The following CALD1 variants were observed in gnomAD, a reference collection of about 807,000 sequenced individuals.
The protein encoded by CALD1 is caldesmon 1.
Under a neutral mutation model 99.9 loss-of-function variants are expected in CALD1, and 33 were observed. The ratio of observed to expected loss-of-function variants is 0.33; its 90% CI spans 0.25 to 0.44. CALD1 has a LOEUF of 0.44. Ranked by LOEUF, CALD1 falls within the 20% of genes least tolerant of loss-of-function variation. The pLI is 1.00. For synonymous variants in CALD1, 310 were observed against 325.0 expected, an observed-to-expected ratio of 0.95 and a Z score of 0.50; for missense variants, 861 against 962.1, an observed-to-expected ratio of 0.89 and a Z score of 1.39.
chr7:134,774,299 T>G (rs1185285735), intron 1 of CALD1, among the ~76,000 whole-genome samples: 2 of 152,184 alleles, frequency 1.3e-5, no homozygotes, highest in Non-Finnish European at 2.9e-5. Flanking sequence ...GCATGCCAGT[T>G]TCTCTGGAAT....
Position 134,959,970 on chromosome 7 carries a change from T to C in CALD1, c.2062-4T>C, listed in dbSNP as rs890814328. ...CAATCCTAAAAATAACTCACAAATT[T>C]CAGGGAACAAAAAGCGCAAAACCTA... On this transcript the variant is annotated splice_polypyrimidine_tract_variant and splice_region_variant and intron_variant, in intron 11 of 14. Transcript: ENST00000361675. 8.7e-6 allele frequency: 14 copies of C among 1,612,666 alleles called. No individual in the cohort carries two copies. The highest frequency in any genetic ancestry group is 1.2e-5 in the Non-Finnish European group (14 of 1,179,494).
chr7:134,711,726 GTCTC>G, the CALD1 span, among the ~76,000 whole-genome samples: 143 of 96,732 alleles, frequency 1.5e-3, no homozygotes, highest in African/African-American at 4.6e-3. Flanking sequence ...GTGTGTGTGT[GTCTC>G]TCTCTCTGTC....
chr7:134,877,587 A>G (rs889635276), intron 3 of CALD1, among the ~76,000 whole-genome samples: 2 of 152,198 alleles, frequency 1.3e-5, no homozygotes, highest in African/African-American at 2.4e-5. Flanking sequence ...TAGGCCTACA[A>G]TGGTTGCATC....
At chr7:134,914,715 A>G (rs1313852687) in intron 3 of CALD1, among the ~76,000 whole-genome samples, 3 of 152,168 alleles carry the variant, frequency 2.0e-5, no homozygotes, top group African/African-American at 7.2e-5. Context: ...CTTTCTGTAC[A>G]TGGAAAGGTC....
intron 1 of CALD1, among the ~76,000 whole-genome samples, chr7:134,843,301 G>C (rs1472236259): frequency 6.6e-6 from 1 of 152,184 alleles, no homozygotes; most frequent in Non-Finnish European, 1.5e-5. Context: ...GTAACTGATG[G>C]GAGAGAAAGA....
chr7:134,934,221 G>A (rs777091370), intron 5 of CALD1, 144 bp downstream of exon 5: 17 of 1,244,230 alleles, frequency 1.4e-5, no homozygotes, highest in Middle Eastern at 1.9e-4. Context: ...AGGCCATAGC[G>A]ATACACAAGC....
intron 11 of CALD1, 74 bp downstream of exon 11, chr7:134,958,364 ACT>A (rs1807937435): frequency 8.4e-7 from 1 of 1,196,518 alleles, no homozygotes; most frequent in Admixed American, 1.7e-5. Context: ...GCATAAAAAC[ACT>A]TAGGACAATA....
At chr7:134,833,015 G>T (rs1433376831) in intron 1 of CALD1, among the ~76,000 whole-genome samples, 3 of 152,222 alleles carry the variant, frequency 2.0e-5, no homozygotes, top group Non-Finnish European at 4.4e-5. Context: ...TTATGAAGCT[G>T]CAAGACGTGT....
the CALD1 span, among the ~76,000 whole-genome samples, chr7:134,720,379 C>T: frequency 6.6e-6 from 1 of 152,084 alleles, no homozygotes; most frequent in East Asian, 1.9e-4. Flanking sequence ...CTAATAAGAT[C>T]GCTGTTGTAA....
chr7:134,742,175 C>T (rs972904259), upstream of CALD1, among the ~76,000 whole-genome samples: 4 of 151,670 alleles, frequency 2.6e-5, no homozygotes, highest in Non-Finnish European at 5.9e-5. Flanking sequence ...CTGGAAAGGG[C>T]TTAAGTGTTA....
At chr7:134,920,907 TA>T (rs1804573634) in intron 3 of CALD1, among the ~76,000 whole-genome samples, 1 of 152,362 alleles carries the variant, frequency 6.6e-6, no homozygotes, top group Non-Finnish European at 1.5e-5. Flanking sequence ...AAGTCTTTTA[TA>T]ACTGGGCTTC....
At chr7:134,817,481 C>T (rs1163319882) in intron 1 of CALD1, among the ~76,000 whole-genome samples, 1 of 152,128 alleles carries the variant, frequency 6.6e-6, no homozygotes, top group Admixed American at 6.6e-5. Flanking sequence ...TGATTCACAA[C>T]GTTATTCAGG....
rs111614381 is a variant in CALD1, at chr7:134,817,413, T to C, written c.-129-26471T>C. 6.0e-3 allele frequency among the ~76,000 whole-genome samples: 910 copies of C among 152,278 alleles called. 7 individuals carry two copies. The highest frequency in any genetic ancestry group is 0.021 in the African/African-American group (879 of 41,560). On this transcript the variant is annotated intron_variant, in intron 1 of 14. Coordinates refer to ENST00000361675, the MANE Select transcript of CALD1 (RefSeq NM_033138.4). ...GTCCCAGGTACCCAGTTTTCCCCAG[T>C]AGTAACATCTTGCATAACTACAGTG...
At chr7:134,889,413 T>C (rs1417232536) in intron 3 of CALD1, among the ~76,000 whole-genome samples, 1 of 152,208 alleles carries the variant, frequency 6.6e-6, no homozygotes, top group African/African-American at 2.4e-5. Flanking sequence ...TAAAGAGCCA[T>C]GTGATTCATT....
At chr7:134,898,363 T>C (rs1802733914) in intron 3 of CALD1, among the ~76,000 whole-genome samples, 2 of 152,194 alleles carry the variant, frequency 1.3e-5, no homozygotes, top group African/African-American at 4.8e-5. Flanking sequence ...ACAATTAAAA[T>C]TTAATATCAG....
chr7:134,901,288 C>T (rs1352617066), intron 3 of CALD1, among the ~76,000 whole-genome samples: 1 of 151,760 alleles, frequency 6.6e-6, no homozygotes, highest in African/African-American at 2.4e-5. Flanking sequence ...ATCCTAGTCT[C>T]ATCATTTTAT....
At chr7:134,926,790 G>T (rs1372820365) in intron 3 of CALD1, among the ~76,000 whole-genome samples, 6 of 152,096 alleles carry the variant, frequency 3.9e-5, no homozygotes, top group African/African-American at 1.4e-4. Flanking sequence ...AATGATATAA[G>T]AATTATAAGC....
Position 134,962,884 on chromosome 7 carries a change from T to A in CALD1, c.2295+2256T>A, listed in dbSNP as rs1808385819. The A allele has an allele frequency of 8.8e-6, 4 of 456,602 alleles. No homozygotes were observed. In the Admixed American group the frequency reaches 9.4e-5, roughly 11 times the overall value. The allele number at this position is 456,602 out of a possible 1,614,324, so 28.3% of individuals were successfully genotyped here. On this transcript the variant is annotated intron_variant, in intron 13 of 14. Coordinates refer to ENST00000361675, the MANE Select transcript of CALD1 (RefSeq NM_033138.4). ...GGAAACCTGCTTCTCCTGCCTTCAT[T>A]TCTCCCTCTTCTTCCGGAGTGGGTC...
intron 3 of CALD1, among the ~76,000 whole-genome samples, chr7:134,885,706 T>A (rs1434181446): frequency 2.0e-5 from 3 of 152,356 alleles, no homozygotes; most frequent in Non-Finnish European, 1.5e-5. Context: ...CTTATAATAA[T>A]TTCCTTCACA....
Sources: allele counts gnomAD v4.1 joint callset (sites outside exome capture counted in the v4.1 genomes callset), GRCh38; gene constraint gnomAD v4.1.1; transcripts MANE v1.5; gene names NCBI Gene and HGNC (gene_info 2026-07-23, HGNC 2026-07-21).